The following CHST8 variants were observed in gnomAD, a reference collection of about 807,000 sequenced individuals.
CHST8 encodes the protein GALNAC-4-ST1.
CHST8 carries 10 observed loss-of-function variants against 15.0 expected under a neutral mutation model. The ratio of observed to expected loss-of-function variants is 0.67; its 90% confidence interval spans 0.41 to 1.13. The LOEUF (loss-of-function observed/expected upper bound fraction) is 1.13. Ranked by LOEUF, CHST8 falls within the 50% of genes most tolerant of loss-of-function variation. CHST8 has a pLI of 0.00. For missense variants in CHST8, 634 were observed against 608.2 expected, an observed-to-expected ratio of 1.04 and a Z score of -0.45; for synonymous variants, 259 against 256.6, an observed-to-expected ratio of 1.01 and a Z score of -0.09.
chr19:33,735,814 G>A (rs1399530514), intron 3 of CHST8, among the ~76,000 whole-genome samples: 4 of 152,200 alleles, frequency 2.6e-5, no homozygotes, highest in South Asian at 2.1e-4. Context: ...GCGAGACTCC[G>A]TCTCAAAGAA....
chr19:33,688,847 C>T (rs1973037547), intron 2 of CHST8, among the ~76,000 whole-genome samples: 1 of 152,120 alleles, frequency 6.6e-6, no homozygotes, highest in Admixed American at 6.5e-5. Context: ...GAGGCCTGGA[C>T]AGTGCAGGGG....
At chr19:33,674,455 A>G (rs1600253032) in intron 2 of CHST8, among the ~76,000 whole-genome samples, 1 of 152,216 alleles carries the variant, frequency 6.6e-6, no homozygotes, top group East Asian at 1.9e-4. Context: ...AATTATTTGC[A>G]TATGGCTTTT....
At chr19:33,690,080 G>A (rs1973069864) in intron 3 of CHST8, among the ~76,000 whole-genome samples, 1 of 152,188 alleles carries the variant, frequency 6.6e-6, no homozygotes, top group Non-Finnish European at 1.5e-5. Flanking sequence ...GATATGGAAG[G>A]ACAGGAGGTC....
At chr19:33,652,007 A>G (rs1027827860) in intron 1 of CHST8, among the ~76,000 whole-genome samples, 2 of 152,056 alleles carry the variant, frequency 1.3e-5, no homozygotes, top group African/African-American at 4.8e-5. Flanking sequence ...ATGTGTTAAG[A>G]TCTCTCAATA....
At chr19:33,671,219 C>T (rs918486592) in intron 2 of CHST8, among the ~76,000 whole-genome samples, 6 of 152,118 alleles carry the variant, frequency 3.9e-5, no homozygotes, top group African/African-American at 4.8e-5. Context: ...TATCAACACA[C>T]GTTGATATCA....
intron 3 of CHST8, among the ~76,000 whole-genome samples, chr19:33,768,315 C>G (rs1419651131): frequency 6.6e-6 from 1 of 152,120 alleles, no homozygotes; most frequent in African/African-American, 2.4e-5. Flanking sequence ...TGGCTCGCAC[C>G]TATAATTCCA....
chr19:33,653,957 G>A (rs1401335610), intron 1 of CHST8, among the ~76,000 whole-genome samples: 3 of 152,194 alleles, frequency 2.0e-5, no homozygotes, highest in African/African-American at 7.2e-5. Context: ...TTAGTCCCTG[G>A]GGATGCATTT....
intron 1 of CHST8, among the ~76,000 whole-genome samples, chr19:33,652,175 A>G (rs931145170): frequency 6.6e-6 from 1 of 151,950 alleles, no homozygotes; most frequent in Non-Finnish European, 1.5e-5. Context: ...AAATCCCATC[A>G]ATGCTTTTTT....
At chr19:33,731,159 C>A (rs1373911199) in intron 3 of CHST8, among the ~76,000 whole-genome samples, 2 of 152,166 alleles carry the variant, frequency 1.3e-5, no homozygotes, top group Non-Finnish European at 1.5e-5. Flanking sequence ...CAAGTTGACA[C>A]TCAATAGTAA....
At chr19:33,695,986 T>G (rs1033023569) in intron 3 of CHST8, among the ~76,000 whole-genome samples, 1 of 151,862 alleles carries the variant, frequency 6.6e-6, no homozygotes, top group Non-Finnish European at 1.5e-5. Context: ...CCACCACACC[T>G]GGCTAATTTG....
At chr19:33,661,989 T>G (rs1972592595) in intron 1 of CHST8, among the ~76,000 whole-genome samples, 1 of 151,736 alleles carries the variant, frequency 6.6e-6, no homozygotes, top group African/African-American at 2.4e-5. Flanking sequence ...TGAGATGGGA[T>G]CGCACCACTG....
chr19:33,711,317 G>T (rs183046322), intron 3 of CHST8, among the ~76,000 whole-genome samples: 15 of 152,298 alleles, frequency 9.8e-5, no homozygotes, highest in Admixed American at 9.2e-4. Context: ...AGGAGATGAG[G>T]TCTCTGACTC....
Position 33,737,571 on chromosome 19 carries a change from C to G in CHST8, c.131-33842C>G, listed in dbSNP as rs539417193. On this transcript the variant is annotated intron_variant, in intron 3 of 4. Transcript: ENST00000650847. ...GACAGAATTCCCAGAAGGGAATTGT[C>G]CCCACGGACTACTGGGGACCCTTCT... 4.6e-5 allele frequency among the ~76,000 whole-genome samples: 7 copies of G among 152,288 alleles called. No homozygotes were observed. In the East Asian group the frequency reaches 1.2e-3, roughly 25 times the overall value.
At chr19:33,642,617 C>G (rs578000265) in intron 1 of CHST8, among the ~76,000 whole-genome samples, 6 of 152,304 alleles carry the variant, frequency 3.9e-5, no homozygotes, top group African/African-American at 1.4e-4. Context: ...CCTGCCTCAG[C>G]CTCCCAAAGT....
chr19:33,660,432 A>G (rs1972572263), intron 1 of CHST8, among the ~76,000 whole-genome samples: 1 of 152,152 alleles, frequency 6.6e-6, no homozygotes, highest in South Asian at 2.1e-4. Context: ...CTCATGAGGT[A>G]GGAGATGGGC....
At chr19:33,760,264 G>GCCCTTTCTTCCCTCCCTCTCTCCTTCCCT in intron 3 of CHST8, among the ~76,000 whole-genome samples, 1 of 65,132 alleles carries the variant, frequency 1.5e-5, no homozygotes, top group Non-Finnish European at 3.0e-5. Context: ...CATCATGGTT[G>GCCCTTTCTTCCCTCCCTCTCTCCTTCCCT]CCCTTCCTTC....
intron 1 of CHST8, among the ~76,000 whole-genome samples, chr19:33,640,694 T>G (rs1428508568): frequency 2.0e-5 from 3 of 152,230 alleles, no homozygotes; most frequent in Non-Finnish European, 4.4e-5. Flanking sequence ...TGCCAATAAA[T>G]GCCGGGGATG....
intron 1 of CHST8, among the ~76,000 whole-genome samples, chr19:33,656,717 T>C (rs1253703760): frequency 1.3e-5 from 2 of 152,004 alleles, no homozygotes; most frequent in East Asian, 1.9e-4. Flanking sequence ...TAAAAATATT[T>C]CTGTAGTGAC....
chr19:33,682,660 C>T (rs975653149), intron 2 of CHST8, among the ~76,000 whole-genome samples: 16 of 152,296 alleles, frequency 1.1e-4, no homozygotes, highest in South Asian at 8.3e-4. Flanking sequence ...AGTATTTGTC[C>T]GTTTGTGTCT....
Sources: gnomAD v4.1 joint callset for allele counts (sites outside exome capture counted in the v4.1 genomes callset) on GRCh38, gnomAD v4.1.1 for gene constraint, MANE v1.5 for transcripts, NCBI Gene and HGNC (gene_info 2026-07-23, HGNC 2026-07-21) for gene names.